TMPPE: variants seen among roughly 807,000 people sequenced by gnomAD.
TMPPE encodes transmembrane protein with metallophosphoesterase domain.
Under a neutral mutation model 22.6 loss-of-function variants are expected in TMPPE, and 16 were observed. That is an observed-to-expected ratio of 0.71 (90% CI 0.48 to 1.08). The LOEUF (loss-of-function observed/expected upper bound fraction) is 1.08, where lower values mean the gene tolerates loss of function less well. Ranked by LOEUF, TMPPE falls within the 50% of genes least tolerant of loss-of-function variation. TMPPE has a pLI of 0.00. For missense variants in TMPPE, 526 were observed against 584.3 expected (o/e 0.90, Z 1.03); for synonymous variants, 240 against 245.3 (o/e 0.98, Z 0.20).
Position 33,093,520 on chromosome 3 carries a change from T to C in TMPPE, c.676A>G (p.Met226Val), listed in dbSNP as rs375621103. 1 of 1,614,202 alleles carries C rather than the reference T, an allele frequency of 6.2e-7. No homozygotes were observed. Among genetic ancestry groups the C allele is most frequent in the Non-Finnish European group, 8.5e-7 (1 of 1,180,040 alleles). The change falls in exon 2 of 2, where the codon ATG (methionine) becomes GTG (valine). Residue 226 changes from methionine to valine, a missense_variant. Transcript: ENST00000342462. This position sits in a 1 kb window ranked among gnomAD's most constrained non-coding sequence, Gnocchi z 6.0. The stretch of plus-strand genomic sequence containing the variant: ...TTCACCATCCTCACAAACATTTCCA[T>C]CTTGGTCCTGCCCACTGTGGGGCCC... ...HLGPTVGRTK[M>V]EMFVRMVNVL...
Position 33,091,594 on chromosome 3 carries a change from CA to C in TMPPE, c.*1239del. 1.0e-6 allele frequency: 1 copy of C among 984,878 alleles called. No homozygotes were observed. Among genetic ancestry groups the C allele is most frequent in the Non-Finnish European group, 1.2e-6 (1 of 829,418 alleles). The allele number at this position is 984,878 out of a possible 1,614,324, so 61.0% of individuals were successfully genotyped here. A position where few individuals can be genotyped will look rare whatever the true frequency, so the allele number is the denominator to read the frequency against. ...CGCTGTGCCATGTGGAACTCATGCA[CA>C]AGGCTTGATGGATCCCTCCTGACAA... On this transcript the variant is annotated 3_prime_UTR_variant, in exon 2 of 2. Transcript: ENST00000342462.
chr3:33,092,562 C>CA lies in TMPPE; in HGVS notation c.*271dup. 1 of 1,210,790 alleles carries CA rather than the reference C, an allele frequency of 8.3e-7. No homozygotes were observed. Among genetic ancestry groups the CA allele is most frequent in the Non-Finnish European group, 1.0e-6 (1 of 971,260 alleles). 75.0% of individuals were successfully genotyped at this position (1,210,790 alleles called of 1,614,324 possible). A position where few individuals can be genotyped will look rare whatever the true frequency, so the allele number is the denominator to read the frequency against. On this transcript the variant is annotated 3_prime_UTR_variant, in exon 2 of 2. Transcript: ENST00000342462. ...GCAGGAGAAGGTCCCCATTCCACAT[C>CA]ATCTGGAAAATAGAGGGGAGTGCTA... is the stretch of plus-strand genomic sequence containing the variant.
chr3:33,096,173 G>A (rs1313923577), intron 1 of TMPPE, among the ~76,000 whole-genome samples: 1 of 152,180 alleles, frequency 6.6e-6, no homozygotes, highest in African/African-American at 2.4e-5. Context: ...TTGGTCCGCG[G>A]AACGTGCAGA....
Position 33,092,163 on chromosome 3 carries a change from CT to C in TMPPE, c.*670del, listed in dbSNP as rs1238307474. On this transcript the variant is annotated 3_prime_UTR_variant, in exon 2 of 2. Transcript: ENST00000342462. Reference sequence around the variant, plus strand: ...CCATGGCGCCCACCGTTCTTCTCCCCTGACCTTGCCCCCAAAGGCCCAGGAG... The same window carrying C: ...CCATGGCGCCCACCGTTCTTCTCCCCGACCTTGCCCCCAAAGGCCCAGGAG... 4 of 985,578 alleles carry C rather than the reference CT, an allele frequency of 4.1e-6. No individual in the cohort carries two copies. Among genetic ancestry groups the C allele is most frequent in the East Asian group, 1.1e-4 (1 of 8,838 alleles). 61.1% of individuals were successfully genotyped at this position (985,578 alleles called of 1,614,324 possible).
At chr3:33,094,359 T>C in intron 1 of TMPPE, 56 bp from the exon 2 acceptor site, 1 of 1,383,660 alleles carries the variant, frequency 7.2e-7, no homozygotes, top group Non-Finnish European at 9.4e-7. Context: ...CTTGTACCCA[T>C]TCAAAACTCA....
At position 33,093,952 on chromosome 3, in the gene TMPPE, A is replaced by G; in HGVS notation, c.244T>C (p.Phe82Leu). 6.2e-7 allele frequency: 1 copy of G among 1,614,162 alleles called. No homozygotes were observed. The highest frequency in any genetic ancestry group is 2.2e-5 in the East Asian group (1 of 44,890). The change falls in exon 2 of 2, where the codon TTT (phenylalanine) becomes CTT (leucine). Residue 82 changes from phenylalanine to leucine, a missense_variant. Phe to Leu is a conservative substitution (Grantham distance 22, BLOSUM62 0). Coordinates refer to ENST00000342462, the MANE Select transcript of TMPPE (RefSeq NM_001039770.3). The surrounding 1 kb of genome is among the most constrained non-coding windows in gnomAD (Gnocchi z 6.0). ...CHSPAAESTC[F>L]QLWKVVVLAF... ...AGAACCACCACCTTCCAAAGCTGAA[A>G]ACAGGTTGACTCTGCAGCTGGGGAG...
chr3:33,093,395 T>G lies in TMPPE; in HGVS notation c.801A>C (p.Ser267=). The change falls in exon 2 of 2, where the codon TCA becomes TCC. Residue 267 remains serine (S), a synonymous_variant. Coordinates refer to ENST00000342462, the MANE Select transcript of TMPPE (RefSeq NM_001039770.3). The surrounding 1 kb of genome is among the most constrained non-coding windows in gnomAD (Gnocchi z 6.0). ...TAVAPLGQLH[S]HLGAYFVTGN... Reference sequence around the variant, plus strand: ...CTGTGACGAAGTAGGCACCGAGATGTGAATGAAGCTGGCCCAGAGGAGCGA... The same window carrying G: ...CTGTGACGAAGTAGGCACCGAGATGGGAATGAAGCTGGCCCAGAGGAGCGA... The G allele has an allele frequency of 1.2e-6, 2 of 1,613,650 alleles. No individual in the cohort carries two copies. Among genetic ancestry groups the G allele is most frequent in the Non-Finnish European group, 1.7e-6 (2 of 1,179,896 alleles).
rs1257380926 is a variant in TMPPE at position 33,092,156 on chromosome 3, T to C, written c.*678A>G. On this transcript the variant is annotated 3_prime_UTR_variant, in exon 2 of 2. Transcript: ENST00000342462. The stretch of plus-strand genomic sequence containing the variant: ...TCACCGACCATGGCGCCCACCGTTC[T>C]TCTCCCCTGACCTTGCCCCCAAAGG... 3.0e-6 allele frequency: 3 copies of C among 985,576 alleles called. No homozygotes were observed. Among genetic ancestry groups the C allele is most frequent in the Non-Finnish European group, 3.6e-6 (3 of 830,156 alleles). 61.1% of individuals were successfully genotyped at this position (985,576 alleles called of 1,614,324 possible). A position where few individuals can be genotyped will look rare whatever the true frequency, so the allele number is the denominator to read the frequency against.
At position 33,094,054 on chromosome 3, in the gene TMPPE, G is replaced by C; in HGVS notation, c.142C>G (p.Leu48Val). 1 of 1,614,266 alleles carries C rather than the reference G, an allele frequency of 6.2e-7. No homozygotes were observed. The highest frequency in any genetic ancestry group is 8.5e-7 in the Non-Finnish European group (1 of 1,180,060). Residue 48 changes from leucine (L) to valine (V), a missense_variant, in exon 2 of 2, where the codon CTT becomes GTT. Transcript: ENST00000342462. ...RAWRWLLRLQ[L>V]ALFVNSLLLI... Reference sequence around the variant, plus strand: ...AAGAGCGAGTTGACAAACAGGGCAAGCTGCAAGCGAAGCAGCCAACGCCAG... The same window carrying C: ...AAGAGCGAGTTGACAAACAGGGCAACCTGCAAGCGAAGCAGCCAACGCCAG...
rs1700903532 is a variant in TMPPE at position 33,094,172 on chromosome 3, G to T, written c.24C>A (p.Ser8=). 1 of 1,606,828 alleles carries T rather than the reference G, an allele frequency of 6.2e-7. No homozygotes were observed. The highest frequency in any genetic ancestry group is 1.1e-5 in the South Asian group (1 of 90,676). ...CAGCCAGGGTGGCCTTCGCGCCTAGGGACAGCTGCCTGAAGATGGCCATTT... is the reference window on the plus strand; with the variant it reads ...CAGCCAGGGTGGCCTTCGCGCCTAGTGACAGCTGCCTGAAGATGGCCATTT... MAIFRQL[S]LGAKATLAAV... The change falls in exon 2 of 2, where the codon TCC becomes TCA. Residue 8 remains serine, a synonymous_variant. Transcript: ENST00000342462.
chr3:33,093,246 C>A lies in TMPPE; in HGVS notation c.950G>T (p.Gly317Val). 1 of 1,614,132 alleles carries A rather than the reference C, an allele frequency of 6.2e-7. No homozygotes were observed. The highest frequency in any genetic ancestry group is 2.2e-5 in the East Asian group (1 of 44,870). ...ATCCTCACTCCCACTGCCACTGCCA[C>A]CACCACCACGTTGGGCCCGTGTGGC... The part of the protein sequence containing the change: ...ISATRAQRGG[G>V]GSGSGSEDED... Residue 317 changes from glycine to valine, a missense_variant, in exon 2 of 2, where the codon GGT (glycine) becomes GTT (valine). Coordinates refer to ENST00000342462, the MANE Select transcript of TMPPE (RefSeq NM_001039770.3). This position sits in a 1 kb window ranked among gnomAD's most constrained non-coding sequence, Gnocchi z 6.0.
Position 33,091,072 on chromosome 3 carries a change from C to T in TMPPE, c.*1762G>A. 2 of 985,392 alleles carry T rather than the reference C, an allele frequency of 2.0e-6. No individual in the cohort carries two copies. Among genetic ancestry groups the T allele is most frequent in the Non-Finnish European group, 2.4e-6 (2 of 829,944 alleles). The allele number at this position is 985,392 out of a possible 1,614,324, so 61.0% of individuals were successfully genotyped here. A position where few individuals can be genotyped will look rare whatever the true frequency, so the allele number is the denominator to read the frequency against. On this transcript the variant is annotated 3_prime_UTR_variant, in exon 2 of 2. Transcript: ENST00000342462. ...GCATCAAACAGTGGAAGTGAAATGG[C>T]ACCATCTAGCCCACCTGGTGAAATC...
rs1235680826 is a variant in TMPPE at position 33,092,538 on chromosome 3, CAGG to C, written c.*293_*295del. 9 of 1,157,306 alleles carry C rather than the reference CAGG, an allele frequency of 7.8e-6. No homozygotes were observed. Among genetic ancestry groups the C allele is most frequent in the East Asian group, 8.5e-5 (2 of 23,654 alleles). The allele number at this position is 1,157,306 out of a possible 1,614,324, so 71.7% of individuals were successfully genotyped here. A position where few individuals can be genotyped will look rare whatever the true frequency, so the allele number is the denominator to read the frequency against. ...GGGAGGTTCATCCCTGGGAGCTCTG[CAGG>C]AGAAGGTCCCCATTCCACATCATCT... is the stretch of plus-strand genomic sequence containing the variant. On this transcript the variant is annotated 3_prime_UTR_variant, in exon 2 of 2. Transcript: ENST00000342462.
Position 33,093,815 on chromosome 3 carries a change from G to C in TMPPE, c.381C>G (p.Ile127Met). Residue 127 changes from isoleucine to methionine, a missense_variant, in exon 2 of 2, where the codon ATC becomes ATG. Transcript: ENST00000342462. The surrounding 1 kb of genome is among the most constrained non-coding windows in gnomAD (Gnocchi z 6.0). ...TGAGGATGAAGAGGAAGAAGAGCATGATGATGTAAGCACCCAGGCAGGAGT... is the reference window on the plus strand; with the variant it reads ...TGAGGATGAAGAGGAAGAAGAGCATCATGATGTAAGCACCCAGGCAGGAGT... ...AAYSCLGAYIIMLFFLFILSG... is the reference protein window; with the variant it reads ...AAYSCLGAYIMMLFFLFILSG... 2 of 1,613,556 alleles carry C rather than the reference G, an allele frequency of 1.2e-6. No individual in the cohort carries two copies. Among genetic ancestry groups the C allele is most frequent in the South Asian group, 2.2e-5 (2 of 91,000 alleles).
At chr3:33,096,386 CAGCCTGCCT>C in intron 1 of TMPPE, 1 of 981,828 alleles carries the variant, frequency 1.0e-6, no homozygotes, top group Non-Finnish European at 1.2e-6. Context: ...CATCCCCCGG[CAGCCTGCCT>C]ATTCCCCCCC....
chr3:33,095,976 T>G (rs1701007946), intron 1 of TMPPE, among the ~76,000 whole-genome samples: 1 of 152,220 alleles, frequency 6.6e-6, no homozygotes, highest in African/African-American at 2.4e-5. Context: ...TTTCAGCAGC[T>G]GTTTTCCAAA....
chr3:33,096,898 CG>C lies in TMPPE; in HGVS notation c.-289del. 6.6e-7 allele frequency: 1 copy of C among 1,504,146 alleles called. No homozygotes were observed. The highest frequency in any genetic ancestry group is 8.9e-7 in the Non-Finnish European group (1 of 1,124,638). The allele number at this position is 1,504,146 out of a possible 1,614,324, so 93.2% of individuals were successfully genotyped here. On this transcript the variant is annotated 5_prime_UTR_variant, in exon 1 of 2. Transcript: ENST00000342462. ...GCCGCGAGCCTGCTGGGGGGCACTT[CG>C]GGGCTCAGGCTCCCCGCCCTGCGGG... is the stretch of plus-strand genomic sequence containing the variant.
intron 1 of TMPPE, chr3:33,096,359 G>A: frequency 1.0e-6 from 1 of 978,360 alleles, no homozygotes; most frequent in Non-Finnish European, 1.2e-6. Context: ...CGCCAGCCCT[G>A]CCCCGATCAA....
At position 33,092,721 on chromosome 3, in the gene TMPPE, T is replaced by C; in HGVS notation, c.*113A>G. 1 of 1,481,950 alleles carries C rather than the reference T, an allele frequency of 6.7e-7. No individual in the cohort carries two copies. The highest frequency in any genetic ancestry group is 8.9e-7 in the Non-Finnish European group (1 of 1,119,758). The allele number at this position is 1,481,950 out of a possible 1,614,324, so 91.8% of individuals were successfully genotyped here. ...TGAGTCAGGCTTGTGACCAAGGGTG[T>C]GTAGGCAAGGATGAGTGGGCAAGGC... On this transcript the variant is annotated 3_prime_UTR_variant, in exon 2 of 2. Coordinates refer to ENST00000342462, the MANE Select transcript of TMPPE (RefSeq NM_001039770.3).
Sources: allele counts gnomAD v4.1 joint callset (sites outside exome capture counted in the v4.1 genomes callset), GRCh38; gene constraint gnomAD v4.1.1; non-coding constraint Gnocchi (gnomAD v3.1); transcripts MANE v1.5; gene names NCBI Gene and HGNC (gene_info 2026-07-23, HGNC 2026-07-21).